Variants in LAD1 observed in about 807,000 individuals in gnomAD.
LAD1 encodes ladinin 1.
Under a neutral mutation model 54.2 loss-of-function variants are expected in LAD1, and 53 were observed. The observed-to-expected ratio is 0.98, with a 90% CI of 0.78 to 1.23. The LOEUF (loss-of-function observed/expected upper bound fraction) is 1.23. Among genes scored for constraint, LAD1 ranks in the 50% most tolerant of loss-of-function variants. The probability of loss-of-function intolerance (pLI) is 0.00; values close to 1 mark genes in which losing one functional copy is unlikely to be tolerated. For synonymous variants in LAD1, 231 were observed against 257.7 expected, an observed-to-expected ratio of 0.90 and a Z score of 0.99; for missense variants, 637 against 653.3, an observed-to-expected ratio of 0.98 and a Z score of 0.27.
At chr1:201,385,647 C>T (rs929381318) in intron 4 of LAD1, 54 bp downstream of exon 4, 46 of 1,286,312 alleles carry the variant, frequency 3.6e-5, no homozygotes, top group Non-Finnish European at 5.0e-5. Flanking sequence ...TGGATGCGGG[C>T]TTCCTCCACT....
chr1:201,394,270 C>G (rs1662248484), intron 1 of LAD1, among the ~76,000 whole-genome samples: 1 of 152,216 alleles, frequency 6.6e-6, no homozygotes, highest in South Asian at 2.1e-4. Context: ...ACAAAGCCCA[C>G]TCCTCCCCCA....
intron 2 of LAD1, 79 bp downstream of exon 2, chr1:201,389,081 G>C: frequency 1.3e-6 from 2 of 1,517,180 alleles, no homozygotes; most frequent in Non-Finnish European, 1.8e-6. Flanking sequence ...CCAACTCCCT[G>C]AGCAGACTGA....
In LAD1 at chr1:201,381,923, C is replaced by A. The variant is rs745363523; in HGVS notation, c.1549-30G>T. Reference sequence around the variant, plus strand: ...GGGGCAAAGAGCTGTTAGCACAAGTCAATGGGGTGTCAGGGATGGAAGGGG... The same window carrying A: ...GGGGCAAAGAGCTGTTAGCACAAGTAAATGGGGTGTCAGGGATGGAAGGGG... On this transcript the variant is annotated intron_variant, in intron 9 of 9. Coordinates refer to ENST00000391967, the MANE Select transcript of LAD1 (RefSeq NM_005558.4). The A allele has an allele frequency of 1.6e-5, 26 of 1,611,614 alleles. No homozygotes were observed. The South Asian group carries it at 2.6e-4, about 16-fold the overall frequency.
chr1:201,389,942 C>T (rs182236805), intron 1 of LAD1, among the ~76,000 whole-genome samples: 2 of 151,822 alleles, frequency 1.3e-5, no homozygotes, highest in African/African-American at 4.8e-5. Context: ...TTTTTTGAAA[C>T]AGGATCTCGC....
intron 1 of LAD1, among the ~76,000 whole-genome samples, chr1:201,389,888 G>C (rs1662168321): frequency 6.6e-6 from 1 of 152,042 alleles, no homozygotes; most frequent in South Asian, 2.1e-4. Context: ...GGATATATTG[G>C]GGTAAATGAG....
chr1:201,386,199 G>T, intron 3 of LAD1, 136 bp downstream of exon 3: 1 of 902,726 alleles, frequency 1.1e-6, no homozygotes, highest in Non-Finnish European at 1.6e-6. Flanking sequence ...GGCAGGGAAA[G>T]AAGAGACTTC....
Position 201,386,534 on chromosome 1 carries a change from T to C in LAD1, c.827A>G (p.Asp276Gly). 6.2e-7 allele frequency: 1 copy of C among 1,608,590 alleles called. No individual in the cohort carries two copies. The highest frequency in any genetic ancestry group is 8.5e-7 in the Non-Finnish European group (1 of 1,177,736). ...ALASEKSPTA[D>G]AKPAPKRATA... ...GGCCCTCTTTGGGGCCGGCTTAGCA[T>C]CTGCAGTTGGGCTCTTCTCTGAGGC... Residue 276 changes from aspartate to glycine, a missense_variant, in exon 3 of 10, where the codon GAT becomes GGT. Asp to Gly is a moderately conservative substitution (Grantham distance 94, BLOSUM62 -1). Transcript: ENST00000391967.
At chr1:201,393,871 G>A (rs1047313515) in intron 1 of LAD1, among the ~76,000 whole-genome samples, 1 of 19,770 alleles carries the variant, frequency 5.1e-5, no homozygotes, top group African/African-American at 2.3e-4. Context: ...TTTTTTTTTT[G>A]ATGAGCAAAC....
chr1:201,382,744 A>G lies in LAD1; in HGVS notation c.1387-5T>C. On this transcript the variant is annotated splice_polypyrimidine_tract_variant and splice_region_variant and intron_variant, in intron 7 of 9. Coordinates refer to ENST00000391967, the MANE Select transcript of LAD1 (RefSeq NM_005558.4). ...CCCTGAGAGCCTCAAGTTCTCCTAA[A>G]AAGAGAACTTTCCATCTCAGGGTTT... 1 of 1,589,230 alleles carries G rather than the reference A, an allele frequency of 6.3e-7. No homozygotes were observed. Among genetic ancestry groups the G allele is most frequent in the Non-Finnish European group, 8.6e-7 (1 of 1,166,344 alleles).
intron 2 of LAD1, among the ~76,000 whole-genome samples, chr1:201,387,592 T>G (rs1044464907): frequency 6.6e-6 from 1 of 152,148 alleles, no homozygotes; most frequent in South Asian, 2.1e-4. Context: ...GTGGGGGAGC[T>G]GGGAGCAGAA....
At chr1:201,389,685 G>A (rs947244169) in intron 1 of LAD1, among the ~76,000 whole-genome samples, 1 of 151,728 alleles carries the variant, frequency 6.6e-6, no homozygotes, top group Admixed American at 6.6e-5. Context: ...AGCCGGGTGT[G>A]GTGGTGCACA....
intron 1 of LAD1, among the ~76,000 whole-genome samples, chr1:201,392,307 A>AGCTG (rs1471218346): frequency 2.0e-5 from 3 of 152,262 alleles, no homozygotes; most frequent in Admixed American, 6.5e-5. Flanking sequence ...GGCTGGGAAC[A>AGCTG]GCTGGGAATG....
Position 201,381,540 on chromosome 1 carries a change from C to T in LAD1, c.*348G>A, listed in dbSNP as rs1037537124. The T allele has an allele frequency of 8.1e-6, 3 of 369,864 alleles. No individual in the cohort carries two copies. Among genetic ancestry groups the T allele is most frequent in the East Asian group, 1.4e-4 (2 of 14,646 alleles). 22.9% of individuals were successfully genotyped at this position (369,864 alleles called of 1,614,324 possible). A position where few individuals can be genotyped will look rare whatever the true frequency, so the allele number is the denominator to read the frequency against. Reference sequence around the variant, plus strand: ...TGACTCTGGAGTTCTTGAGGGGCGCCGTGCCCTGACTGTGGATGTGAGCAG... The same window carrying T: ...TGACTCTGGAGTTCTTGAGGGGCGCTGTGCCCTGACTGTGGATGTGAGCAG... On this transcript the variant is annotated 3_prime_UTR_variant, in exon 10 of 10. Transcript: ENST00000391967.
chr1:201,382,846 C>T, intron 7 of LAD1, 107 bp from the exon 8 acceptor site: 2 of 969,694 alleles, frequency 2.1e-6, no homozygotes, highest in African/African-American at 1.6e-5. Context: ...CCTATGCATC[C>T]AGCACATGCC....
rs1661940866 is a variant in LAD1, at chr1:201,380,962, A to G, written c.*926T>C. On this transcript the variant is annotated 3_prime_UTR_variant, in exon 10 of 10. Coordinates refer to ENST00000391967, the MANE Select transcript of LAD1 (RefSeq NM_005558.4). ...TGATGGTTCACCATGCTCCAAGCTC[A>G]TAGGAGCCATGAGGTCCAGAGCATG... The G allele has an allele frequency of 6.6e-6, 1 of 150,774 alleles. No individual in the cohort carries two copies. The highest frequency in any genetic ancestry group is 2.4e-5 in the African/African-American group (1 of 41,110). The allele number at this position is 150,774 out of a possible 1,614,324, so 9.3% of individuals were successfully genotyped here.
intron 1 of LAD1, among the ~76,000 whole-genome samples, chr1:201,394,231 G>A (rs1473277116): frequency 6.6e-6 from 1 of 152,182 alleles, no homozygotes; most frequent in African/African-American, 2.4e-5. Context: ...CAAAACTTCT[G>A]CCTCGATGCC....
At position 201,387,151 on chromosome 1, in the gene LAD1, C is replaced by T. The variant is rs754160423; in HGVS notation, c.210G>A (p.Val70=). ...TGGAGGCTGGGGGCAGTGGCTTGGG[C>T]ACCTCTGCTTCTTCCACGCTCGGTA... ...ERLPSVEEAE[V]PKPLPPASKD... Residue 70 remains valine (V), a synonymous_variant, in exon 3 of 10, where the codon GTG becomes GTA. Transcript: ENST00000391967. 2 of 1,530,312 alleles carry T rather than the reference C, an allele frequency of 1.3e-6. No individual in the cohort carries two copies. Among genetic ancestry groups the T allele is most frequent in the East Asian group, 4.5e-5 (2 of 44,018 alleles). 94.8% of individuals were successfully genotyped at this position (1,530,312 alleles called of 1,614,324 possible).
intron 1 of LAD1, among the ~76,000 whole-genome samples, chr1:201,395,082 T>G (rs1662265732): frequency 1.3e-5 from 2 of 152,082 alleles, no homozygotes; most frequent in South Asian, 4.1e-4. Context: ...TAAGACCCCA[T>G]AGCTCACCCA....
intron 1 of LAD1, among the ~76,000 whole-genome samples, chr1:201,396,858 G>A (rs550328852): frequency 6.6e-5 from 10 of 152,262 alleles, no homozygotes; most frequent in East Asian, 1.9e-4. Context: ...CCAGGGCAGC[G>A]ATTGGAAGTA....
Sources: allele counts gnomAD v4.1 joint callset (sites outside exome capture counted in the v4.1 genomes callset), GRCh38; gene constraint gnomAD v4.1.1; transcripts MANE v1.5; gene names NCBI Gene and HGNC (gene_info 2026-07-23, HGNC 2026-07-21).